The following GRB2 variants were observed in gnomAD, a reference collection of about 807,000 sequenced individuals.
GRB2 encodes the protein growth factor receptor bound protein 2.
GRB2 carries 2 observed loss-of-function variants against 27.4 expected under a neutral mutation model. The observed-to-expected ratio is 0.07, with a 90% confidence interval of 0.03 to 0.23. The LOEUF (loss-of-function observed/expected upper bound fraction) is 0.23. Among genes scored for constraint, GRB2 ranks in the 10% least tolerant of loss-of-function variants. The probability of loss-of-function intolerance (pLI) is 1.00; values close to 1 mark genes in which losing one functional copy is unlikely to be tolerated. For synonymous variants in GRB2, 94 were observed against 99.6 expected (o/e 0.94, Z 0.33); for missense variants, 102 against 282.4 (o/e 0.36, Z 4.58).
chr17:75,357,905 A>C (rs2078744091), intron 2 of GRB2, among the ~76,000 whole-genome samples: 1 of 152,038 alleles, frequency 6.6e-6, no homozygotes, highest in Admixed American at 6.5e-5. Flanking sequence ...TAGGCGACAC[A>C]GTGAGACTTT....
At chr17:75,384,052 TA>T (rs376644975) in intron 2 of GRB2, among the ~76,000 whole-genome samples, 3 of 152,160 alleles carry the variant, frequency 2.0e-5, no homozygotes, top group African/African-American at 7.2e-5. Context: ...AGGTCTCGCC[TA>T]GAGCCAGTAT....
chr17:75,365,942 C>G (rs2145851292), intron 2 of GRB2, among the ~76,000 whole-genome samples: 1 of 152,266 alleles, frequency 6.6e-6, no homozygotes, highest in South Asian at 2.1e-4. Flanking sequence ...TATTTCTCCT[C>G]TTTCCTCTCT....
chr17:75,346,578 C>CT (rs775027742), intron 2 of GRB2, among the ~76,000 whole-genome samples: 46,639 of 69,152 alleles, frequency 0.67, 16,948 homozygotes, highest in East Asian at 0.75. Context: ...CTTTTCTTGC[C>CT]TTTTTTTTTT....
rs1383400044 is a variant in GRB2 at position 75,319,406 on chromosome 17, G to C, written c.*962C>G. On this transcript the variant is annotated 3_prime_UTR_variant, in exon 6 of 6. Transcript: ENST00000316804. ...AACAACATGCTCGATAATCCCACTG[G>C]AAGGGCCAACAAAGTGGAAAGAGAC... is the stretch of plus-strand genomic sequence containing the variant. The C allele has an allele frequency of 6.7e-6, 1 of 148,832 alleles. No homozygotes were observed. The highest frequency in any genetic ancestry group is 1.5e-5 in the Non-Finnish European group (1 of 67,384). The allele number at this position is 148,832 out of a possible 1,614,324, so 9.2% of individuals were successfully genotyped here. A position where few individuals can be genotyped will look rare whatever the true frequency, so the allele number is the denominator to read the frequency against.
chr17:75,348,969 C>T (rs1038713281), intron 2 of GRB2, among the ~76,000 whole-genome samples: 5 of 152,234 alleles, frequency 3.3e-5, no homozygotes, highest in Non-Finnish European at 5.9e-5. Flanking sequence ...AGCCACTGCG[C>T]CCAACCCAGC....
chr17:75,380,642 G>C (rs531665482), intron 2 of GRB2, among the ~76,000 whole-genome samples: 1 of 152,074 alleles, frequency 6.6e-6, no homozygotes, highest in Non-Finnish European at 1.5e-5. Context: ...TCTTCCTCTA[G>C]AAAATATTCA....
At chr17:75,401,570 A>G (rs1480506985) in intron 1 of GRB2, among the ~76,000 whole-genome samples, 2 of 152,140 alleles carry the variant, frequency 1.3e-5, no homozygotes, top group Non-Finnish European at 2.9e-5. Flanking sequence ...TACAATAGGC[A>G]TGTGTTACTT....
Position 75,318,101 on chromosome 17 carries a change from T to C in GRB2, c.*2267A>G, listed in dbSNP as rs2078428171. The C allele has an allele frequency of 6.6e-6, 1 of 152,638 alleles. No homozygotes were observed. The highest frequency in any genetic ancestry group is 6.5e-5 in the Admixed American group (1 of 15,286). 9.5% of individuals were successfully genotyped at this position (152,638 alleles called of 1,614,324 possible). A position where few individuals can be genotyped will look rare whatever the true frequency, so the allele number is the denominator to read the frequency against. On this transcript the variant is annotated 3_prime_UTR_variant, in exon 6 of 6. Transcript: ENST00000316804. ...TGAAGAATTCATTGTGTATTTATTA[T>C]TCACAGTTAATCACTACCTACCAAA...
At chr17:75,334,471 GATTT>G (rs753426037) in intron 2 of GRB2, among the ~76,000 whole-genome samples, 1 of 151,950 alleles carries the variant, frequency 6.6e-6, no homozygotes, top group Non-Finnish European at 1.5e-5. Flanking sequence ...GTGCCCAGCC[GATTT>G]ATTTATTTTG....
rs779572234 is a variant in GRB2, at chr17:75,332,817, C to CA, written c.79-21dup. On this transcript the variant is annotated intron_variant, in intron 2 of 5. Transcript: ENST00000316804. Reference sequence around the variant, plus strand: ...CAAAACCTGAAAAGAAATAAGACAACAAAAAAACCCAATCATTTCCTTTTC... The same window carrying CA: ...CAAAACCTGAAAAGAAATAAGACAACAAAAAAAACCCAATCATTTCCTTTTC... 25 of 1,410,188 alleles carry CA rather than the reference C, an allele frequency of 1.8e-5. No individual in the cohort carries two copies. The highest frequency in any genetic ancestry group is 4.3e-5 in the African/African-American group (3 of 70,034). The allele number at this position is 1,410,188 out of a possible 1,614,324, so 87.4% of individuals were successfully genotyped here.
chr17:75,403,586 G>T (rs2079078056), intron 1 of GRB2, among the ~76,000 whole-genome samples: 1 of 152,038 alleles, frequency 6.6e-6, no homozygotes. Context: ...CCAACATGGT[G>T]AAACTCTGTC....
In GRB2 at chr17:75,319,601, C is replaced by CAT. The variant is rs2078443587; in HGVS notation, c.*766_*767insAT. The stretch of plus-strand genomic sequence containing the variant: ...GCTGGGACTACAGGTGCGTGCCACA[C>CAT]CCGGCTAATTTCTTATTTTTAGTAG... On this transcript the variant is annotated 3_prime_UTR_variant, in exon 6 of 6. Coordinates refer to ENST00000316804, the MANE Select transcript of GRB2 (RefSeq NM_002086.5). 7.6e-6 allele frequency: 1 copy of CAT among 132,162 alleles called. No individual in the cohort carries two copies. The highest frequency in any genetic ancestry group is 2.4e-4 in the South Asian group (1 of 4,140). 8.2% of individuals were successfully genotyped at this position (132,162 alleles called of 1,614,324 possible).
intron 2 of GRB2, among the ~76,000 whole-genome samples, chr17:75,351,170 T>C (rs1045499062): frequency 1.3e-5 from 2 of 152,038 alleles, no homozygotes; most frequent in African/African-American, 4.8e-5. Flanking sequence ...TCTGACTGTT[T>C]TGAAGAGAAT....
At chr17:75,362,965 T>A (rs960321026) in intron 2 of GRB2, among the ~76,000 whole-genome samples, 36 of 152,022 alleles carry the variant, frequency 2.4e-4, no homozygotes, top group Non-Finnish European at 2.9e-5. Context: ...AGGAAAAAAA[T>A]TATGACTGCT....
intron 1 of GRB2, among the ~76,000 whole-genome samples, chr17:75,394,502 G>A (rs181036198): frequency 1.3e-5 from 2 of 152,256 alleles, no homozygotes; most frequent in East Asian, 1.9e-4. Context: ...TCTTGCATAA[G>A]GCTCCCTTTC....
At chr17:75,329,139 C>A (rs968528723) in intron 3 of GRB2, among the ~76,000 whole-genome samples, 5 of 151,940 alleles carry the variant, frequency 3.3e-5, no homozygotes, top group Non-Finnish European at 7.4e-5. Flanking sequence ...TGGCTCTCCC[C>A]ACACTGCCCC....
At chr17:75,333,022 A>C (rs1288458605) in intron 2 of GRB2, among the ~76,000 whole-genome samples, 1 of 152,214 alleles carries the variant, frequency 6.6e-6, no homozygotes, top group Non-Finnish European at 1.5e-5. Context: ...TCAGGCTCCC[A>C]AACATCTGGA....
At chr17:75,388,056 T>C (rs2078975877) in intron 2 of GRB2, among the ~76,000 whole-genome samples, 1 of 152,168 alleles carries the variant, frequency 6.6e-6, no homozygotes, top group African/African-American at 2.4e-5. Flanking sequence ...AGCAGATTAT[T>C]TGCTTTAAGA....
Position 75,358,374 on chromosome 17 carries a change from T to C in GRB2, c.79-25577A>G, listed in dbSNP as rs902367724. 4.8e-4 allele frequency among the ~76,000 whole-genome samples: 73 copies of C among 152,296 alleles called. 1 individual carries two copies. Among genetic ancestry groups the C allele is most frequent in the African/African-American group, 1.7e-3 (71 of 41,572 alleles). On this transcript the variant is annotated intron_variant, in intron 2 of 5. Transcript: ENST00000316804. ...ATGTTACTAAATATCTCCTACACTA[T>C]GGGTGGAGTGTGTTTTTGTCTGTTT... is the stretch of plus-strand genomic sequence containing the variant.
Sources: gnomAD v4.1 joint callset for allele counts (sites outside exome capture counted in the v4.1 genomes callset) on GRCh38, gnomAD v4.1.1 for gene constraint, MANE v1.5 for transcripts, NCBI Gene and HGNC (gene_info 2026-07-23, HGNC 2026-07-21) for gene names.